The following ELP1 variants were observed in gnomAD, a reference collection of about 807,000 sequenced individuals.
ELP1 encodes the protein elongator complex protein 1.
ELP1 carries 131 observed loss-of-function variants against 183.2 expected under a neutral mutation model. The ratio of observed to expected loss-of-function variants is 0.72; its 90% confidence interval spans 0.62 to 0.83. The LOEUF (loss-of-function observed/expected upper bound fraction) is 0.83, where lower values mean the gene tolerates loss of function less well. Among genes scored for constraint, ELP1 ranks in the 40% least tolerant of loss-of-function variants. ELP1 has a pLI of 0.00. For synonymous variants in ELP1, 555 were observed against 569.0 expected, an observed-to-expected ratio of 0.98 and a Z score of 0.35; for missense variants, 1,550 against 1,594.9, an observed-to-expected ratio of 0.97 and a Z score of 0.48.
At chr9:108,916,134 A>G in intron 10 of ELP1, 70 bp downstream of exon 10, 1 of 1,161,788 alleles carries the variant, frequency 8.6e-7, no homozygotes, top group Non-Finnish European at 1.3e-6. Flanking sequence ...GGGATGAAGG[A>G]AATCCCATAC....
rs1828637513 is a variant in ELP1, at chr9:108,898,448, CAAG to C, written c.2363+51_2363+53del. 6.0e-6 allele frequency: 7 copies of C among 1,165,884 alleles called. No individual in the cohort carries two copies. The Admixed American group carries it at 1.2e-4, about 20-fold the overall frequency. 72.2% of individuals were successfully genotyped at this position (1,165,884 alleles called of 1,614,324 possible). A position where few individuals can be genotyped will look rare whatever the true frequency, so the allele number is the denominator to read the frequency against. ...AGCTATTTATGCTTGATTTCCTTAA[CAAG>C]AAGAGAGAAAACTATGGAAAAGATA... On this transcript the variant is annotated intron_variant, in intron 22 of 36. Coordinates refer to ENST00000374647, the MANE Select transcript of ELP1 (RefSeq NM_003640.5).
intron 10 of ELP1, among the ~76,000 whole-genome samples, chr9:108,914,534 C>G (rs755978553): frequency 2.0e-5 from 3 of 151,622 alleles, no homozygotes; most frequent in Non-Finnish European, 2.9e-5. Context: ...AATGACAAAA[C>G]TGTAAATGTC....
At chr9:108,897,354 C>T (rs1828598357) in intron 22 of ELP1, 69 bp from the exon 23 acceptor site, 1 of 1,491,456 alleles carries the variant, frequency 6.7e-7, no homozygotes. Flanking sequence ...TACTAACATA[C>T]ACCTGGCATG....
chr9:108,900,506 T>C (rs1828736538), intron 18 of ELP1, 131 bp from the exon 19 acceptor site: 1 of 743,202 alleles, frequency 1.3e-6, no homozygotes, highest in Admixed American at 2.0e-5. Flanking sequence ...GCTCTCCCAC[T>C]GAACCTCAAG....
Position 108,878,135 on chromosome 9 carries a change from T to C in ELP1, c.3715A>G (p.Ile1239Val), listed in dbSNP as rs1407768469. The change falls in exon 35 of 37, where the codon ATT becomes GTT. Residue 1239 changes from isoleucine to valine, a missense_variant. Physicochemically the swap from Ile to Val is conservative, Grantham distance 29. Coordinates refer to ENST00000374647, the MANE Select transcript of ELP1 (RefSeq NM_003640.5). ...TCAAAGAGAAAGAGTACCTTTAAAA[T>C]ATGGTATACTTCATCTAGAGAGAAG... The part of the protein sequence containing the change: ...TENLKDEVYH[I>V]LKVLFLFEFD... 1.9e-6 allele frequency: 3 copies of C among 1,608,044 alleles called. No individual in the cohort carries two copies. Among genetic ancestry groups the C allele is most frequent in the Non-Finnish European group, 2.6e-6 (3 of 1,174,434 alleles).
At chr9:108,891,739 T>C (rs1828343763) in intron 27 of ELP1, among the ~76,000 whole-genome samples, 1 of 152,178 alleles carries the variant, frequency 6.6e-6, no homozygotes, top group African/African-American at 2.4e-5. Flanking sequence ...GAGGATGGAC[T>C]TAGGGACAAA....
chr9:108,896,730 A>T, intron 24 of ELP1, 86 bp from the exon 25 acceptor site: 2 of 1,324,380 alleles, frequency 1.5e-6, no homozygotes, highest in Non-Finnish European at 2.2e-6. Context: ...AAGACAATAA[A>T]TTTTTCTCAA....
chr9:108,929,547 C>T (rs2132049418), intron 3 of ELP1, among the ~76,000 whole-genome samples: 1 of 152,308 alleles, frequency 6.6e-6, no homozygotes, highest in African/African-American at 2.4e-5. Context: ...ACATTCTGAT[C>T]ACTCTGATTA....
chr9:108,907,522 TCTG>T (rs1829064666), intron 13 of ELP1, among the ~76,000 whole-genome samples: 2 of 152,222 alleles, frequency 1.3e-5, no homozygotes, highest in Non-Finnish European at 2.9e-5. Flanking sequence ...TTTATTAAAT[TCTG>T]CTATTTGTTG....
chr9:108,891,144 A>C, intron 28 of ELP1, 59 bp downstream of exon 28: 2 of 1,546,786 alleles, frequency 1.3e-6, no homozygotes, highest in Admixed American at 3.3e-5. Flanking sequence ...ATTACCAAAC[A>C]AAAGAAATAA....
intron 33 of ELP1, 50 bp from the exon 34 acceptor site, chr9:108,878,800 A>G (rs1263740458): frequency 6.2e-7 from 1 of 1,602,992 alleles, no homozygotes; most frequent in South Asian, 1.1e-5. Flanking sequence ...AGCTAGGACT[A>G]CAGGCATGTG....
At chr9:108,893,272 G>A (rs1304544443) in intron 26 of ELP1, among the ~76,000 whole-genome samples, 189 bp from the exon 27 acceptor site, 1 of 152,188 alleles carries the variant, frequency 6.6e-6, no homozygotes, top group African/African-American at 2.4e-5. Context: ...TGAGGCAAGA[G>A]CAGCACTGAT....
At chr9:108,913,735 C>T (rs1053340602) in intron 10 of ELP1, among the ~76,000 whole-genome samples, 1 of 152,076 alleles carries the variant, frequency 6.6e-6, no homozygotes, top group Non-Finnish European at 1.5e-5. Context: ...GCAACCTCTG[C>T]CTCCCAGTTC....
rs1172974688 is a variant in ELP1 at position 108,868,831 on chromosome 9, C to A, written c.*284G>T. The A allele has an allele frequency of 1.7e-6, 1 of 589,670 alleles. No individual in the cohort carries two copies. The highest frequency in any genetic ancestry group is 3.0e-6 in the Non-Finnish European group (1 of 331,394). The allele number at this position is 589,670 out of a possible 1,614,324, so 36.5% of individuals were successfully genotyped here. A position where few individuals can be genotyped will look rare whatever the true frequency, so the allele number is the denominator to read the frequency against. On this transcript the variant is annotated 3_prime_UTR_variant, in exon 37 of 37. Coordinates refer to ENST00000374647, the MANE Select transcript of ELP1 (RefSeq NM_003640.5). ...TCATGAAACATTAATCTCATGATTA[C>A]CATAATTATGCTCTCAAACAGCCCA...
At chr9:108,931,264 CA>C (rs1233679107) in intron 1 of ELP1, 63 bp from the exon 2 acceptor site, 6 of 1,090,744 alleles carry the variant, frequency 5.5e-6, no homozygotes, top group East Asian at 2.4e-5. Flanking sequence ...TGAAATGATT[CA>C]GGGGGTGAAG....
At chr9:108,875,283 G>A (rs939810699) in intron 35 of ELP1, among the ~76,000 whole-genome samples, 4 of 152,220 alleles carry the variant, frequency 2.6e-5, no homozygotes, top group African/African-American at 9.6e-5. Context: ...AAAGGGAAAA[G>A]AGTAAAAGAG....
chr9:108,901,748 T>A (rs1311749328), intron 16 of ELP1, 67 bp from the exon 17 acceptor site: 14 of 1,415,848 alleles, frequency 9.9e-6, no homozygotes, highest in African/African-American at 1.4e-5. Flanking sequence ...ACCTTTTCTA[T>A]CACATAGTTC....
chr9:108,883,540 C>A (rs1050690348), intron 29 of ELP1, among the ~76,000 whole-genome samples: 6 of 129,568 alleles, frequency 4.6e-5, no homozygotes, highest in African/African-American at 1.8e-4. Flanking sequence ...TTTGAAAACT[C>A]GGAAAATACT....
chr9:108,933,190 C>T (rs72758376), intron 1 of ELP1, among the ~76,000 whole-genome samples: 5 of 152,322 alleles, frequency 3.3e-5, no homozygotes, highest in Non-Finnish European at 7.4e-5. Context: ...CCCCAAATGA[C>T]AGTTCCCACT....
Sources: allele counts gnomAD v4.1 joint callset (sites outside exome capture counted in the v4.1 genomes callset), GRCh38; gene constraint gnomAD v4.1.1; transcripts MANE v1.5; gene names NCBI Gene and HGNC (gene_info 2026-07-23, HGNC 2026-07-21).